The following DAZL variants were observed in gnomAD, a reference collection of about 807,000 sequenced individuals.
The protein encoded by DAZL is deleted in azoospermia like.
Under a neutral mutation model 45.0 loss-of-function variants are expected in DAZL, and 4 were observed. The ratio of observed to expected loss-of-function variants is 0.09; its 90% CI spans 0.04 to 0.20. DAZL has a LOEUF of 0.20. DAZL is among the 10% of genes least tolerant of loss of function. DAZL has a pLI of 1.00. For synonymous variants in DAZL, 122 were observed against 112.4 expected, an observed-to-expected ratio of 1.09 and a Z score of -0.54; for missense variants, 326 against 351.3, an observed-to-expected ratio of 0.93 and a Z score of 0.58.
intron 10 of DAZL, among the ~76,000 whole-genome samples, chr3:16,591,004 G>T (rs1196968308): frequency 6.6e-6 from 1 of 152,118 alleles, no homozygotes; most frequent in East Asian, 1.9e-4. Context: ...TAGGTAAATT[G>T]TATTACTGGT....
chr3:16,590,177 T>G (rs185165146), intron 10 of DAZL, among the ~76,000 whole-genome samples: 1 of 135,736 alleles, frequency 7.4e-6, no homozygotes, highest in African/African-American at 2.5e-5. Context: ...TAAGCTGATA[T>G]ACAATTTCAG....
chr3:16,591,098 G>T (rs887353229), intron 10 of DAZL, among the ~76,000 whole-genome samples: 2 of 152,110 alleles, frequency 1.3e-5, no homozygotes, highest in Admixed American at 6.5e-5. Flanking sequence ...CCATTGGACT[G>T]ACCAAGTTAG....
intron 1 of DAZL, chr3:16,604,726 A>G: frequency 7.4e-7 from 1 of 1,351,948 alleles, no homozygotes; most frequent in South Asian, 2.1e-5. Context: ...GCCCGCCGCC[A>G]TCTTGCGGAG....
intron 9 of DAZL, 147 bp downstream of exon 9, chr3:16,593,508 T>C: frequency 1.8e-6 from 1 of 563,564 alleles, no homozygotes. Flanking sequence ...TTTCTTTTAC[T>C]ATTTGGTCAA....
At chr3:16,592,208 G>GTT in intron 9 of DAZL, 60 bp from the exon 10 acceptor site, 1 of 1,572,606 alleles carries the variant, frequency 6.4e-7, no homozygotes. Context: ...CTTAGTAAGG[G>GTT]TTTTTTTTTG....
chr3:16,595,964 G>T (rs891373043), intron 6 of DAZL, among the ~76,000 whole-genome samples: 1 of 151,682 alleles, frequency 6.6e-6, no homozygotes, highest in Non-Finnish European at 1.5e-5. Flanking sequence ...ACACCCAGAT[G>T]CAGTAATGAC....
At chr3:16,604,453 G>C (rs1041635602) in intron 1 of DAZL, 1 of 1,533,006 alleles carries the variant, frequency 6.5e-7, no homozygotes, top group Non-Finnish European at 8.7e-7. Flanking sequence ...GTGCGGCAAA[G>C]ATGGCGTCAG....
chr3:16,599,194 AC>A (rs1384878989), intron 1 of DAZL, among the ~76,000 whole-genome samples: 35 of 142,550 alleles, frequency 2.5e-4, no homozygotes, highest in Non-Finnish European at 3.6e-4. Flanking sequence ...TAAAAAAAAA[AC>A]AAACCCAAAA....
chr3:16,598,037 G>C, intron 3 of DAZL, 50 bp downstream of exon 3: 1 of 1,419,386 alleles, frequency 7.0e-7, no homozygotes, highest in Non-Finnish European at 9.9e-7. Context: ...AGTCTTCTCT[G>C]ATACTCTATA....
intron 8 of DAZL, among the ~76,000 whole-genome samples, chr3:16,594,051 C>T (rs41285045): frequency 0.031 from 4,677 of 152,208 alleles, 106 homozygotes; most frequent in Middle Eastern, 0.082. Context: ...CTTATTATAT[C>T]CTTCAAATTT....
intron 1 of DAZL, among the ~76,000 whole-genome samples, chr3:16,600,523 T>C (rs187027049): frequency 6.6e-5 from 10 of 152,350 alleles, no homozygotes; most frequent in Admixed American, 3.9e-4. Context: ...TCTAAAAATG[T>C]CTTACGTTGT....
At chr3:16,592,242 T>C (rs1694532291) in intron 9 of DAZL, 94 bp from the exon 10 acceptor site, 2 of 1,532,782 alleles carry the variant, frequency 1.3e-6, no homozygotes, top group Non-Finnish European at 9.0e-7. Context: ...TATATTACTT[T>C]ATTTCTAAAG....
chr3:16,599,063 G>A (rs949515799), intron 1 of DAZL, among the ~76,000 whole-genome samples: 13 of 152,038 alleles, frequency 8.6e-5, no homozygotes, highest in African/African-American at 1.4e-4. Context: ...GATTACAGGC[G>A]TGAGCTACCA....
At chr3:16,605,055 T>C in intron 1 of DAZL, 148 bp downstream of exon 1, 1 of 1,096,288 alleles carries the variant, frequency 9.1e-7, no homozygotes. Flanking sequence ...CTCCCAACTC[T>C]GTGGGCCATG....
intron 8 of DAZL, 66 bp from the exon 9 acceptor site, chr3:16,593,834 T>C (rs1442384570): frequency 5.0e-6 from 5 of 999,540 alleles, no homozygotes; most frequent in African/African-American, 4.9e-5. Context: ...CCACTTATTC[T>C]TCAAAAAGCT....
chr3:16,593,083 GTAAA>G (rs1215936216), intron 9 of DAZL, among the ~76,000 whole-genome samples: 9 of 152,124 alleles, frequency 5.9e-5, no homozygotes, highest in African/African-American at 9.7e-5. Context: ...CACTGTTTAA[GTAAA>G]TATCAAAATT....
chr3:16,597,061 A>G lies in DAZL; in HGVS notation c.295-10T>C, dbSNP rs1694611549. 3 of 1,609,874 alleles carry G rather than the reference A, an allele frequency of 1.9e-6. No homozygotes were observed. Among genetic ancestry groups the G allele is most frequent in the East Asian group, 2.2e-5 (1 of 44,856 alleles). On this transcript the variant is annotated splice_polypyrimidine_tract_variant and intron_variant, in intron 4 of 10. Transcript: ENST00000399444. ...GGAAATTTATCTGTGACTGAAAATAAAACAGTAACAAAACTAGAATCAATT... is the reference window on the plus strand; with the variant it reads ...GGAAATTTATCTGTGACTGAAAATAGAACAGTAACAAAACTAGAATCAATT...
At chr3:16,593,789 G>C (rs1201321584) in intron 8 of DAZL, 21 bp from the exon 9 acceptor site, 2 of 1,489,122 alleles carry the variant, frequency 1.3e-6, no homozygotes, top group Non-Finnish European at 1.9e-6. Context: ...AATAATGAAA[G>C]TGTAATTAAA....
Position 16,605,278 on chromosome 3 carries a change from G to A in DAZL, c.-73C>T, listed in dbSNP as rs1694762005. On this transcript the variant is annotated 5_prime_UTR_variant, in exon 1 of 11. Transcript: ENST00000399444. ...CTGTGCTTGGCGCACCACTTCTGGG[G>A]CTGCTGTGAGGTCCGCTGGAACCCG... 1 of 1,590,064 alleles carries A rather than the reference G, an allele frequency of 6.3e-7. No individual in the cohort carries two copies. The highest frequency in any genetic ancestry group is 8.6e-7 in the Non-Finnish European group (1 of 1,158,148).
Sources: gnomAD v4.1 joint callset for allele counts (sites outside exome capture counted in the v4.1 genomes callset) on GRCh38, gnomAD v4.1.1 for gene constraint, MANE v1.5 for transcripts, NCBI Gene and HGNC (gene_info 2026-07-23, HGNC 2026-07-21) for gene names.